The following RIPOR2 variants were observed in gnomAD, a reference collection of about 807,000 sequenced individuals.
RIPOR2 encodes the protein rho family-interacting cell polarization regulator 2.
In RIPOR2, 39 loss-of-function variants were observed where a neutral mutation model predicts 114.5. The ratio of observed to expected loss-of-function variants is 0.34; its 90% CI spans 0.26 to 0.44. RIPOR2 has a LOEUF of 0.44. Ranked by LOEUF, RIPOR2 falls within the 20% of genes least tolerant of loss-of-function variation. RIPOR2 has a pLI of 1.00. For missense variants in RIPOR2, 1,007 were observed against 1,255.1 expected, an observed-to-expected ratio of 0.80 and a Z score of 2.99; for synonymous variants, 445 against 484.4, an observed-to-expected ratio of 0.92 and a Z score of 1.07.
In RIPOR2 at chr6:25,022,531, C is replaced by CTTTTTTTTTTTTTTTTT. The variant is rs1561848668; in HGVS notation, c.76+19319_76+19320insAAAAAAAAAAAAAAAAA. Among the ~76,000 whole-genome samples, 280 of 64,472 alleles carry CTTTTTTTTTTTTTTTTT rather than the reference C, an allele frequency of 4.3e-3. 31 individuals carry two copies. Among genetic ancestry groups the CTTTTTTTTTTTTTTTTT allele is most frequent in the Non-Finnish European group, 8.5e-3 (247 of 28,986 alleles). 42.3% of individuals were successfully genotyped at this position (64,472 alleles called of 152,430 possible). ...CACATATAACTAATGTGGTACCTTC[C>CTTTTTTTTTTTTTTTTT]ATTTTTTTTTTTTTTTTTTTTTTTT... On this transcript the variant is annotated intron_variant, in intron 1 of 13. Coordinates refer to the RIPOR2 transcript ENST00000510784.
At chr6:24,832,198 G>C (rs1467857975) in intron 16 of RIPOR2, 58 bp downstream of exon 16, 1 of 1,496,556 alleles carries the variant, frequency 6.7e-7, no homozygotes, top group Non-Finnish European at 9.1e-7. Context: ...ATAGGGAGTG[G>C]ACTGGGCTAG....
intron 1 of RIPOR2, among the ~76,000 whole-genome samples, chr6:24,970,161 G>GAA (rs58697787): frequency 8.6e-5 from 13 of 150,312 alleles, no homozygotes; most frequent in African/African-American, 1.5e-4. Context: ...GAAAGGGGAC[G>GAA]AAAAAAAAAG....
At position 24,952,639 on chromosome 6, in the gene RIPOR2, T is replaced by C. The variant is rs557478079; in HGVS notation, c.77-76822A>G. ...GAGCTGATGAGTATTGAGTATTTAT[T>C]AGCATTGTTTTAAATGTAATTTATT... is the stretch of plus-strand genomic sequence containing the variant. On this transcript the variant is annotated intron_variant, in intron 1 of 13. Coordinates refer to the RIPOR2 transcript ENST00000510784. 3.9e-5 allele frequency among the ~76,000 whole-genome samples: 6 copies of C among 152,342 alleles called. No homozygotes were observed. The South Asian group carries it at 1.2e-3, about 32-fold the overall frequency.
At chr6:24,825,145 G>A (rs1481398875) in intron 19 of RIPOR2, 81 bp downstream of exon 19, 5 of 1,025,322 alleles carry the variant, frequency 4.9e-6, no homozygotes, top group Non-Finnish European at 7.1e-6. Flanking sequence ...TTTTATAAAG[G>A]AATAAATGCT....
At chr6:24,968,543 G>T (rs1422882817) in intron 1 of RIPOR2, among the ~76,000 whole-genome samples, 3 of 152,174 alleles carry the variant, frequency 2.0e-5, no homozygotes, top group African/African-American at 7.2e-5. Context: ...CTCCCCAGGG[G>T]ACATCTGGCA....
chr6:24,807,646 G>A (rs1780857979), intron 21 of RIPOR2, among the ~76,000 whole-genome samples: 1 of 152,106 alleles, frequency 6.6e-6, no homozygotes, highest in Non-Finnish European at 1.5e-5. Flanking sequence ...CTCCATGGTG[G>A]CAAAGGTGAA....
At chr6:24,953,108 C>A (rs530404715) in intron 1 of RIPOR2, among the ~76,000 whole-genome samples, 1 of 151,992 alleles carries the variant, frequency 6.6e-6, no homozygotes, top group East Asian at 1.9e-4. Context: ...TCAAAGCGGG[C>A]GGATCACCTG....
chr6:25,008,296 G>A (rs143827162), intron 1 of RIPOR2, among the ~76,000 whole-genome samples: 179 of 152,228 alleles, frequency 1.2e-3, no homozygotes, highest in Non-Finnish European at 1.7e-3. Context: ...GATTACAGGC[G>A]TGAGCCACCG....
chr6:24,996,796 T>A (rs1420606849), intron 1 of RIPOR2, among the ~76,000 whole-genome samples: 1 of 152,222 alleles, frequency 6.6e-6, no homozygotes, highest in Non-Finnish European at 1.5e-5. Context: ...ATTATAGCAC[T>A]TACTGTATTG....
At chr6:24,902,491 A>G (rs73400436) in intron 1 of RIPOR2, among the ~76,000 whole-genome samples, 5,103 of 152,202 alleles carry the variant, frequency 0.034, 101 homozygotes, top group African/African-American at 0.051. Context: ...TGTAGGGATT[A>G]CACGCGCAAG....
At chr6:24,896,912 G>GATAA (rs1311062274) in intron 1 of RIPOR2, among the ~76,000 whole-genome samples, 1 of 151,990 alleles carries the variant, frequency 6.6e-6, no homozygotes, top group Non-Finnish European at 1.5e-5. Context: ...AAAATAAATA[G>GATAA]ATAAATAAAT....
At chr6:25,028,452 C>A (rs1413105344) in intron 1 of RIPOR2, among the ~76,000 whole-genome samples, 1 of 152,206 alleles carries the variant, frequency 6.6e-6, no homozygotes, top group Non-Finnish European at 1.5e-5. Flanking sequence ...TCTGTTCTGC[C>A]ACACTGTGGC....
At chr6:25,000,837 G>C (rs531115058) in intron 1 of RIPOR2, among the ~76,000 whole-genome samples, 2 of 147,162 alleles carry the variant, frequency 1.4e-5, no homozygotes, top group East Asian at 3.9e-4. Flanking sequence ...TCAAGTTCTT[G>C]GCTATAAACA....
chr6:24,807,141 C>T (rs1780822784), intron 21 of RIPOR2, among the ~76,000 whole-genome samples: 1 of 152,162 alleles, frequency 6.6e-6, no homozygotes, highest in Non-Finnish European at 1.5e-5. Flanking sequence ...ACATGTAATG[C>T]AAGTGAGACA....
At position 24,828,135 on chromosome 6, in the gene RIPOR2, A is replaced by C. The variant is rs1581506812; in HGVS notation, c.2665+2T>G. 6.5e-7 allele frequency: 1 copy of C among 1,544,866 alleles called. No homozygotes were observed. The highest frequency in any genetic ancestry group is 8.7e-7 in the Non-Finnish European group (1 of 1,143,110). On this transcript the variant is annotated splice_donor_variant, in intron 18 of 21. Transcript: ENST00000643898. LOFTEE classifies it high-confidence loss of function. ...ACAATGTGACAAAAGAACATGTCCCACCTTGCCTGGCCAGCTGGCTCAGGT... is the reference window on the plus strand; with the variant it reads ...ACAATGTGACAAAAGAACATGTCCCCCCTTGCCTGGCCAGCTGGCTCAGGT...
chr6:24,984,850 T>A (rs1182590682), intron 1 of RIPOR2, among the ~76,000 whole-genome samples: 1 of 152,162 alleles, frequency 6.6e-6, no homozygotes, highest in Non-Finnish European at 1.5e-5. Flanking sequence ...CCTCCCCTTT[T>A]CCCTGGTACC....
intron 1 of RIPOR2, among the ~76,000 whole-genome samples, chr6:24,908,318 T>C (rs777148101): frequency 3.7e-4 from 56 of 152,230 alleles, no homozygotes; most frequent in Non-Finnish European, 7.2e-4. Context: ...AGATAATCCA[T>C]TGAATGCAAT....
chr6:24,930,608 G>C (rs1231175371), intron 1 of RIPOR2, among the ~76,000 whole-genome samples: 1 of 152,210 alleles, frequency 6.6e-6, no homozygotes, highest in Non-Finnish European at 1.5e-5. Context: ...TCTATGGGAA[G>C]AGAATGTTTT....
chr6:25,003,490 G>T (rs1005392424), intron 1 of RIPOR2, among the ~76,000 whole-genome samples: 1 of 151,548 alleles, frequency 6.6e-6, no homozygotes, highest in African/African-American at 2.4e-5. Context: ...GTGCAGTGGC[G>T]CAGTCATGGC....
Sources: allele counts gnomAD v4.1 joint callset (sites outside exome capture counted in the v4.1 genomes callset), GRCh38; gene constraint gnomAD v4.1.1; transcripts MANE v1.5; gene names NCBI Gene and HGNC (gene_info 2026-07-23, HGNC 2026-07-21).